STK32B: variants seen among roughly 807,000 people sequenced by gnomAD.
The protein encoded by STK32B is serine/threonine kinase 32B, also known as serine/threonine-protein kinase 32B.
In STK32B, 43 loss-of-function variants were observed where a neutral mutation model predicts 52.6. That is an observed-to-expected ratio of 0.82 (90% CI 0.64 to 1.05). STK32B has a LOEUF of 1.05. Among genes scored for constraint, STK32B ranks in the 50% least tolerant of loss-of-function variants. STK32B has a pLI of 0.00. For missense variants in STK32B, 621 were observed against 534.6 expected (o/e 1.16, Z -1.59); for synonymous variants, 238 against 204.3 (o/e 1.17, Z -1.41).
At chr4:5,163,182 A>T (rs1037164295) in intron 2 of STK32B, among the ~76,000 whole-genome samples, 2 of 152,196 alleles carry the variant, frequency 1.3e-5, no homozygotes, top group African/African-American at 4.8e-5. Context: ...TATTCCAGGC[A>T]GAGTACGTGA....
intron 1 of STK32B, among the ~76,000 whole-genome samples, chr4:5,103,584 T>C (rs1404863130): frequency 2.0e-5 from 3 of 152,178 alleles, no homozygotes; most frequent in African/African-American, 7.2e-5. Context: ...TGGGTTTCCT[T>C]GTGCACATCC....
intron 1 of STK32B, among the ~76,000 whole-genome samples, chr4:5,125,339 T>C (rs1475611567): frequency 6.6e-6 from 1 of 152,224 alleles, no homozygotes; most frequent in Non-Finnish European, 1.5e-5. Flanking sequence ...TTTTGTAGCA[T>C]AGAAAACTAA....
Position 5,462,258 on chromosome 4 carries a change from T to C in STK32B, c.909+2030T>C, listed in dbSNP as rs1190485140. 2.6e-5 allele frequency among the ~76,000 whole-genome samples: 4 copies of C among 151,164 alleles called. No homozygotes were observed. In the South Asian group the frequency reaches 6.3e-4, roughly 24 times the overall value. The stretch of plus-strand genomic sequence containing the variant: ...TATCTGCGTGTGTGTGCCTCTGTTT[T>C]TGTGTCTGTATGTGTGTGTGTGTAT... On this transcript the variant is annotated intron_variant, in intron 9 of 11. Transcript: ENST00000282908.
At chr4:5,445,385 G>C (rs1715304390) in intron 6 of STK32B, among the ~76,000 whole-genome samples, 3 of 152,150 alleles carry the variant, frequency 2.0e-5, no homozygotes, top group African/African-American at 7.2e-5. Flanking sequence ...GATTTCGGCT[G>C]CTCTGACAAC....
At chr4:5,326,847 C>T (rs1731911116) in intron 3 of STK32B, among the ~76,000 whole-genome samples, 1 of 152,172 alleles carries the variant, frequency 6.6e-6, no homozygotes, top group Admixed American at 6.5e-5. Flanking sequence ...GTCTTCACTT[C>T]ATGAAATATT....
chr4:5,486,744 C>T (rs1196785922), intron 11 of STK32B, among the ~76,000 whole-genome samples: 1 of 152,158 alleles, frequency 6.6e-6, no homozygotes, highest in African/African-American at 2.4e-5. Context: ...GGAGCTGGCT[C>T]CACCCCCCTA....
intron 3 of STK32B, among the ~76,000 whole-genome samples, chr4:5,214,014 T>TC (rs1300777465): frequency 6.6e-6 from 1 of 152,218 alleles, no homozygotes; most frequent in African/African-American, 2.4e-5. Flanking sequence ...CAGGATTCTG[T>TC]GCATGGTATG....
chr4:5,474,333 G>C (rs1198276727), intron 11 of STK32B, among the ~76,000 whole-genome samples: 1 of 152,180 alleles, frequency 6.6e-6, no homozygotes, highest in East Asian at 1.9e-4. Flanking sequence ...TGCTCATGGT[G>C]CTGTGACCCC....
intron 1 of STK32B, among the ~76,000 whole-genome samples, chr4:5,132,342 C>A (rs1386393756): frequency 5.3e-5 from 8 of 152,076 alleles, no homozygotes; most frequent in Non-Finnish European, 1.2e-4. Flanking sequence ...ACAACAAACA[C>A]TGGGTGGAGG....
rs1230344719 is a variant in STK32B, at chr4:5,223,816, CAAAAAAAA to C, written c.260+55378_260+55385del. ...TGGGAGACAGAGCAAGACTCCGTTT[CAAAAAAAA>C]AAAAAAAAAAAGTAACATTATTCTC... is the stretch of plus-strand genomic sequence containing the variant. On this transcript the variant is annotated intron_variant, in intron 3 of 11. Coordinates refer to ENST00000282908, the MANE Select transcript of STK32B (RefSeq NM_018401.3). 8.9e-5 allele frequency among the ~76,000 whole-genome samples: 9 copies of C among 100,680 alleles called. No homozygotes were observed. In the East Asian group the frequency reaches 9.4e-4, roughly 11 times the overall value. The allele number at this position is 100,680 out of a possible 152,430, so 66.0% of individuals were successfully genotyped here.
chr4:5,369,029 C>T (rs1025295568), intron 4 of STK32B, among the ~76,000 whole-genome samples: 2 of 152,078 alleles, frequency 1.3e-5, no homozygotes, highest in Admixed American at 1.3e-4. Context: ...CCCACAATCC[C>T]TGCCTCCCTT....
intron 7 of STK32B, among the ~76,000 whole-genome samples, chr4:5,454,413 G>A (rs189849038): frequency 1.2e-4 from 19 of 152,148 alleles, no homozygotes; most frequent in East Asian, 9.7e-4. Context: ...GTGGATGGCT[G>A]TCTTGTTCAC....
intron 11 of STK32B, among the ~76,000 whole-genome samples, chr4:5,496,167 C>T (rs1720226076): frequency 6.6e-6 from 1 of 152,232 alleles, no homozygotes; most frequent in Non-Finnish European, 1.5e-5. Context: ...TTTGTCTGTG[C>T]CCTGCCCCCA....
chr4:5,212,884 A>G (rs1242552972), intron 3 of STK32B, among the ~76,000 whole-genome samples: 5 of 152,148 alleles, frequency 3.3e-5, no homozygotes, highest in Admixed American at 6.5e-5. Flanking sequence ...AGATAAATCA[A>G]TGATCGCAGG....
chr4:5,062,418 G>A (rs1742250151), intron 1 of STK32B, among the ~76,000 whole-genome samples: 1 of 152,190 alleles, frequency 6.6e-6, no homozygotes, highest in Non-Finnish European at 1.5e-5. Flanking sequence ...AATAGAGCAT[G>A]TAGAATTCCC....
intron 11 of STK32B, among the ~76,000 whole-genome samples, chr4:5,483,647 T>C (rs573819111): frequency 1.3e-5 from 2 of 152,326 alleles, no homozygotes; most frequent in South Asian, 4.1e-4. Context: ...ATGTGTTTGC[T>C]CTTGCTTTTC....
At chr4:5,251,466 A>G (rs1314933367) in intron 3 of STK32B, among the ~76,000 whole-genome samples, 4 of 152,000 alleles carry the variant, frequency 2.6e-5, no homozygotes, top group Non-Finnish European at 5.9e-5. Flanking sequence ...GTACCATGCT[A>G]TTTTGTTTAC....
Position 5,161,568 on chromosome 4 carries a change from G to A in STK32B, c.109-6731G>A, listed in dbSNP as rs538814823. The stretch of plus-strand genomic sequence containing the variant: ...GTAGTTATTCTCTTTTGTACAGAAC[G>A]CAAGACTTTCCCTAGAAACCTCTAG... On this transcript the variant is annotated intron_variant, in intron 2 of 11. Transcript: ENST00000282908. Among the ~76,000 whole-genome samples, 59 of 152,050 alleles carry A rather than the reference G, an allele frequency of 3.9e-4. 1 individual carries two copies. The highest frequency in any genetic ancestry group is 1.8e-3 in the Admixed American group (27 of 15,278).
intron 9 of STK32B, among the ~76,000 whole-genome samples, chr4:5,461,787 G>A (rs751228400): frequency 4.6e-5 from 7 of 152,194 alleles, no homozygotes; most frequent in African/African-American, 1.4e-4. Context: ...GCCATGTGCC[G>A]TTCCCACTGC....
Sources: allele counts gnomAD v4.1 joint callset (sites outside exome capture counted in the v4.1 genomes callset), GRCh38; gene constraint gnomAD v4.1.1; transcripts MANE v1.5; gene names NCBI Gene and HGNC (gene_info 2026-07-23, HGNC 2026-07-21).